BABAM2: variants seen among roughly 807,000 people sequenced by gnomAD.
BABAM2 encodes the protein BRISC and BRCA1-A complex member 2.
BABAM2 carries 31 observed loss-of-function variants against 54.7 expected under a neutral mutation model. The ratio of observed to expected loss-of-function variants is 0.57; its 90% CI spans 0.43 to 0.77. The LOEUF (loss-of-function observed/expected upper bound fraction) is 0.77. BABAM2 is among the 30% of genes least tolerant of loss of function. BABAM2 has a pLI of 0.00. For synonymous variants in BABAM2, 167 were observed against 162.9 expected, an observed-to-expected ratio of 1.03 and a Z score of -0.19; for missense variants, 364 against 455.8, an observed-to-expected ratio of 0.80 and a Z score of 1.83.
intron 7 of BABAM2, among the ~76,000 whole-genome samples, chr2:28,228,609 T>A (rs1381177872): frequency 6.6e-6 from 1 of 152,070 alleles, no homozygotes; most frequent in East Asian, 1.9e-4. Flanking sequence ...AAAGAAACTG[T>A]AATGCAATCA....
intron 10 of BABAM2, 115 bp downstream of exon 10, chr2:28,244,977 G>A (rs927461733): frequency 4.7e-5 from 35 of 742,006 alleles, no homozygotes; most frequent in Middle Eastern, 2.5e-4. Context: ...TTACTGTAGC[G>A]TATATATATA....
chr2:28,209,038 C>T (rs1679182453), intron 7 of BABAM2, among the ~76,000 whole-genome samples: 1 of 152,176 alleles, frequency 6.6e-6, no homozygotes, highest in Admixed American at 6.5e-5. Flanking sequence ...CTGAAATGTA[C>T]AGTGAGGCTA....
chr2:27,924,736 C>T (rs1288243323), intron 2 of BABAM2, among the ~76,000 whole-genome samples: 3 of 152,112 alleles, frequency 2.0e-5, no homozygotes, highest in African/African-American at 4.8e-5. Context: ...TCTTGTGCAA[C>T]TTGAATTTTC....
chr2:28,017,227 A>G (rs1674894231), intron 4 of BABAM2, among the ~76,000 whole-genome samples: 1 of 152,260 alleles, frequency 6.6e-6, no homozygotes, highest in Non-Finnish European at 1.5e-5. Context: ...TGCTGATAAT[A>G]CTTGGTCCTC....
At chr2:27,934,839 T>C (rs1432042936) in intron 3 of BABAM2, among the ~76,000 whole-genome samples, 1 of 152,180 alleles carries the variant, frequency 6.6e-6, no homozygotes, top group African/African-American at 2.4e-5. Flanking sequence ...AATTCTAAGA[T>C]TGAGAGAAGT....
chr2:28,172,036 C>A (rs1318261453), intron 7 of BABAM2, among the ~76,000 whole-genome samples: 3 of 151,872 alleles, frequency 2.0e-5, no homozygotes, highest in African/African-American at 7.3e-5. Context: ...GGAAATGGAA[C>A]CCTGCTAAAC....
At chr2:28,148,328 A>T (rs890510514) in intron 7 of BABAM2, among the ~76,000 whole-genome samples, 8 of 152,124 alleles carry the variant, frequency 5.3e-5, no homozygotes, top group African/African-American at 1.9e-4. Context: ...TATTAAGCTT[A>T]TGCATTTTTT....
intron 11 of BABAM2, among the ~76,000 whole-genome samples, chr2:28,316,551 G>A (rs1689577558): frequency 6.6e-6 from 1 of 152,092 alleles, no homozygotes; most frequent in Non-Finnish European, 1.5e-5. Context: ...CAACTTAAAG[G>A]CCTTATGGGG....
At chr2:27,929,689 A>G (rs1667956485) in intron 2 of BABAM2, 143 bp from the exon 3 acceptor site, 6 of 670,664 alleles carry the variant, frequency 8.9e-6, no homozygotes, top group Non-Finnish European at 1.5e-5. Context: ...ATGACTATTA[A>G]AGGCTTTTAT....
At chr2:28,004,669 A>G (rs1320648451) in intron 4 of BABAM2, among the ~76,000 whole-genome samples, 1 of 151,698 alleles carries the variant, frequency 6.6e-6, no homozygotes, top group Non-Finnish European at 1.5e-5. Context: ...AATTACATAT[A>G]ATTTGTGTGT....
At chr2:28,268,134 T>G (rs1360735320) in intron 10 of BABAM2, among the ~76,000 whole-genome samples, 2 of 152,152 alleles carry the variant, frequency 1.3e-5, no homozygotes, top group Non-Finnish European at 2.9e-5. Context: ...GTCCATTTAT[T>G]TATTAGGGAT....
intron 3 of BABAM2, among the ~76,000 whole-genome samples, chr2:27,953,400 C>G (rs1669879092): frequency 6.6e-6 from 1 of 151,990 alleles, no homozygotes; most frequent in African/African-American, 2.4e-5. Context: ...CCAGGATGGT[C>G]TTGAATTCTT....
chr2:28,044,406 TC>T (rs1417483803), intron 5 of BABAM2, among the ~76,000 whole-genome samples: 46 of 152,012 alleles, frequency 3.0e-4, no homozygotes, highest in African/African-American at 1.1e-3. Flanking sequence ...ATTTTTGTAT[TC>T]TTTAGTGGAG....
chr2:28,051,390 G>T (rs1677983822), intron 6 of BABAM2, among the ~76,000 whole-genome samples: 1 of 152,322 alleles, frequency 6.6e-6, no homozygotes, highest in East Asian at 1.9e-4. Flanking sequence ...GAAGTCCAAA[G>T]AAATTCAATT....
intron 6 of BABAM2, among the ~76,000 whole-genome samples, chr2:28,074,349 A>T (rs1450285803): frequency 1.3e-5 from 2 of 152,128 alleles, no homozygotes; most frequent in African/African-American, 2.4e-5. Context: ...GCCAGATGCT[A>T]GTGTAATTCC....
At chr2:28,145,652 T>G (rs1197529606) in intron 7 of BABAM2, among the ~76,000 whole-genome samples, 1 of 152,202 alleles carries the variant, frequency 6.6e-6, no homozygotes, top group East Asian at 1.9e-4. Flanking sequence ...TGCAGAGTTG[T>G]GCAGCCATCA....
At chr2:28,134,092 C>T (rs1670324572) in intron 7 of BABAM2, among the ~76,000 whole-genome samples, 1 of 149,208 alleles carries the variant, frequency 6.7e-6, no homozygotes, top group Non-Finnish European at 1.5e-5. Context: ...ATGAAATAAA[C>T]ATATTTCTGG....
intron 7 of BABAM2, among the ~76,000 whole-genome samples, chr2:28,195,786 A>G (rs1316897483): frequency 1.3e-5 from 2 of 152,220 alleles, no homozygotes; most frequent in African/African-American, 2.4e-5. Context: ...ACATAGCACA[A>G]TTTTCTCATA....
intron 4 of BABAM2, among the ~76,000 whole-genome samples, chr2:27,997,324 G>T (rs1383203059): frequency 3.3e-5 from 5 of 152,104 alleles, no homozygotes; most frequent in Non-Finnish European, 5.9e-5. Flanking sequence ...AAAATTACTA[G>T]AAATTTTGGT....
Sources: gnomAD v4.1 joint callset for allele counts (sites outside exome capture counted in the v4.1 genomes callset) on GRCh38, gnomAD v4.1.1 for gene constraint, MANE v1.5 for transcripts, NCBI Gene and HGNC (gene_info 2026-07-23, HGNC 2026-07-21) for gene names.